The following PRMT8 variants were observed in gnomAD, a reference collection of about 807,000 sequenced individuals.
The protein encoded by PRMT8 is protein arginine N-methyltransferase 8.
A neutral mutation model predicts 47.1 loss-of-function variants in PRMT8; 7 were observed. The ratio of observed to expected loss-of-function variants is 0.15; its 90% CI spans 0.08 to 0.28. PRMT8 has a LOEUF of 0.28. Among genes scored for constraint, PRMT8 ranks in the 10% least tolerant of loss-of-function variants. The probability of loss-of-function intolerance (pLI) is 1.00; values close to 1 mark genes in which losing one functional copy is unlikely to be tolerated. For missense variants in PRMT8, 237 were observed against 505.4 expected (o/e 0.47, Z 5.09); for synonymous variants, 188 against 186.5 (o/e 1.01, Z -0.07).
At chr12:3,462,703 C>G (rs1194117565) in intron 1 of PRMT8, 1 of 151,972 alleles carries the variant, frequency 6.6e-6, no homozygotes, top group Non-Finnish European at 1.5e-5. Context: ...CCATGAAGAG[C>G]TGCTGGCAGG....
intron 7 of PRMT8, 148 bp from the exon 8 acceptor site, chr12:3,582,910 G>A: frequency 1.1e-6 from 1 of 905,304 alleles, no homozygotes; most frequent in Non-Finnish European, 1.6e-6. Flanking sequence ...TGGGAGGGCG[G>A]TGGGGAGCCT....
At chr12:3,433,443 G>A (rs1051290509) in intron 1 of PRMT8, among the ~76,000 whole-genome samples, 18 of 152,066 alleles carry the variant, frequency 1.2e-4, no homozygotes, top group Admixed American at 6.5e-4. Flanking sequence ...TTTAATCCTC[G>A]TAACCACCCT....
At chr12:3,556,743 G>A (rs944603923) in intron 4 of PRMT8, among the ~76,000 whole-genome samples, 1 of 152,190 alleles carries the variant, frequency 6.6e-6, no homozygotes, top group African/African-American at 2.4e-5. Context: ...GAGAAAGATT[G>A]CAGGTGCAGG....
At chr12:3,558,702 A>G (rs1866570568) in intron 4 of PRMT8, among the ~76,000 whole-genome samples, 1 of 152,128 alleles carries the variant, frequency 6.6e-6, no homozygotes, top group African/African-American at 2.4e-5. Flanking sequence ...GTTCCTCGTG[A>G]TTGGATTCAG....
chr12:3,593,078 C>T lies in PRMT8; in HGVS notation c.1102-21C>T, dbSNP rs369050891. On this transcript the variant is annotated intron_variant, in intron 9 of 9. Coordinates refer to ENST00000382622, the MANE Select transcript of PRMT8 (RefSeq NM_019854.5). This position sits in a 1 kb window ranked among gnomAD's most constrained non-coding sequence, Gnocchi z 4.8. Reference sequence around the variant, plus strand: ...ATACCCAGACGGCCGCCTGACCCTTCGCTCTCTCTCTGCCTTGCAGCGAGA... The same window carrying T: ...ATACCCAGACGGCCGCCTGACCCTTTGCTCTCTCTCTGCCTTGCAGCGAGA... 233 of 1,609,424 alleles carry T rather than the reference C, an allele frequency of 1.4e-4. 1 individual carries two copies. Among genetic ancestry groups the T allele is most frequent in the East Asian group, 1.2e-3 (52 of 44,860 alleles).
At position 3,558,993 on chromosome 12, in the gene PRMT8, T is replaced by C. The variant is rs548042090; in HGVS notation, c.481+5279T>C. ...ATCTATCTATCTATCTATCTATCTG[T>C]CTATCTATCCTGTCTATCTAATCTA... On this transcript the variant is annotated intron_variant, in intron 4 of 9. Coordinates refer to ENST00000382622, the MANE Select transcript of PRMT8 (RefSeq NM_019854.5). Among the ~76,000 whole-genome samples the C allele has an allele frequency of 1.2e-4, 18 of 151,878 alleles. No homozygotes were observed. The South Asian group carries it at 3.5e-3, about 30-fold the overall frequency.
chr12:3,568,218 GC>G (rs1368187455), intron 4 of PRMT8, among the ~76,000 whole-genome samples: 2 of 152,122 alleles, frequency 1.3e-5, no homozygotes, highest in Non-Finnish European at 1.5e-5. Context: ...GAGTGGATCA[GC>G]ATGAAGGTCT....
At chr12:3,559,514 T>G (rs1866594081) in intron 4 of PRMT8, among the ~76,000 whole-genome samples, 1 of 152,240 alleles carries the variant, frequency 6.6e-6, no homozygotes, top group African/African-American at 2.4e-5. Context: ...TATTGTCAAG[T>G]AGGAGCTCAC....
chr12:3,430,051 A>G (rs1864657427), intron 1 of PRMT8, among the ~76,000 whole-genome samples: 2 of 152,232 alleles, frequency 1.3e-5, no homozygotes, highest in Non-Finnish European at 2.9e-5. Context: ...AGCTGGGAGC[A>G]CCGGCAGACT....
intron 1 of PRMT8, among the ~76,000 whole-genome samples, chr12:3,437,204 T>C (rs1864753033): frequency 6.6e-6 from 1 of 152,000 alleles, no homozygotes. Flanking sequence ...AAGAAAAATA[T>C]ATATTTATAT....
chr12:3,495,400 G>A (rs1426473787), intron 1 of PRMT8, among the ~76,000 whole-genome samples: 1 of 152,158 alleles, frequency 6.6e-6, no homozygotes, highest in Non-Finnish European at 1.5e-5. Context: ...GACTGCATAT[G>A]TGAATGCTTC....
intron 1 of PRMT8, among the ~76,000 whole-genome samples, chr12:3,459,973 C>G (rs1021743427): frequency 6.6e-6 from 1 of 152,228 alleles, no homozygotes; most frequent in Non-Finnish European, 1.5e-5. Flanking sequence ...TCAAACCCTA[C>G]CACACCGTCA....
chr12:3,586,305 G>T (rs1867171750), intron 8 of PRMT8, among the ~76,000 whole-genome samples: 1 of 152,096 alleles, frequency 6.6e-6, no homozygotes, highest in Admixed American at 6.6e-5. Flanking sequence ...GCGAGGATTT[G>T]CCCTGAGTGT....
At chr12:3,511,400 T>G (rs1438079406) in intron 1 of PRMT8, among the ~76,000 whole-genome samples, 2 of 152,192 alleles carry the variant, frequency 1.3e-5, no homozygotes. Flanking sequence ...GATAAAGGAC[T>G]TGGACAATCT....
Position 3,409,260 on chromosome 12 carries a change from C to T in PRMT8, c.48+27818C>T, listed in dbSNP as rs746154589. Among the ~76,000 whole-genome samples, 9 of 152,126 alleles carry T rather than the reference C, an allele frequency of 5.9e-5. No individual in the cohort carries two copies. The highest frequency in any genetic ancestry group is 1.2e-4 in the Non-Finnish European group (8 of 68,022). On this transcript the variant is annotated intron_variant, in intron 1 of 9. Transcript: ENST00000452611. The surrounding 1 kb of genome is among the most constrained non-coding windows in gnomAD (Gnocchi z 4.4). ...GACCCTGACTCTGGGGTGCAGGGCA[C>T]AGCACTGGCCCAGCTTCAGGGAAGA...
chr12:3,440,901 A>G lies in PRMT8; in HGVS notation c.48+59459A>G, dbSNP rs188139435. Among the ~76,000 whole-genome samples, 174 of 152,292 alleles carry G rather than the reference A, an allele frequency of 1.1e-3. 1 individual carries two copies. The highest frequency in any genetic ancestry group is 3.8e-3 in the African/African-American group (160 of 41,560). ...GACGATCTAATTGGATCAGACAAGA[A>G]CTTGCCTTAAACCCCCCAATTCTCT... On this transcript the variant is annotated intron_variant, in intron 1 of 9. Transcript: ENST00000452611.
intron 1 of PRMT8, among the ~76,000 whole-genome samples, chr12:3,482,206 T>C (rs1328912194): frequency 6.6e-6 from 1 of 152,182 alleles, no homozygotes; most frequent in Non-Finnish European, 1.5e-5. Context: ...TAGCATGGAC[T>C]ATCCTGCCCG....
chr12:3,524,980 T>C lies in PRMT8; in HGVS notation c.76-15626T>C, dbSNP rs999527260. ...CCTCATGCCTGTAATCCCAGCACTT[T>C]GGGAGACCGAGGCGGGTGGATCACC... On this transcript the variant is annotated intron_variant, in intron 1 of 9. Transcript: ENST00000382622. 9.2e-5 allele frequency among the ~76,000 whole-genome samples: 14 copies of C among 152,312 alleles called. 1 individual carries two copies. The highest frequency in any genetic ancestry group is 3.9e-4 in the Admixed American group (6 of 15,300).
At chr12:3,418,762 T>C (rs1333731951) in intron 1 of PRMT8, among the ~76,000 whole-genome samples, 1 of 149,958 alleles carries the variant, frequency 6.7e-6, no homozygotes, top group Non-Finnish European at 1.5e-5. Flanking sequence ...AGGAAAGCAG[T>C]GTCTTCGGTG....
Sources: allele counts gnomAD v4.1 joint callset (sites outside exome capture counted in the v4.1 genomes callset), GRCh38; gene constraint gnomAD v4.1.1; non-coding constraint Gnocchi (gnomAD v3.1); transcripts MANE v1.5; gene names NCBI Gene and HGNC (gene_info 2026-07-23, HGNC 2026-07-21).